MEOX2: variants seen among roughly 807,000 people sequenced by gnomAD.
The protein encoded by MEOX2 is homeobox protein MOX-2.
MEOX2 carries 11 observed loss-of-function variants against 27.0 expected under a neutral mutation model. The observed-to-expected ratio is 0.41, with a 90% CI of 0.26 to 0.68. MEOX2 has a LOEUF of 0.68. Ranked by LOEUF, MEOX2 falls within the 30% of genes least tolerant of loss-of-function variation. The probability of loss-of-function intolerance (pLI) is 0.33; values close to 1 mark genes in which losing one functional copy is unlikely to be tolerated. For synonymous variants in MEOX2, 189 were observed against 155.4 expected (o/e 1.22, Z -1.61); for missense variants, 436 against 385.4 (o/e 1.13, Z -1.10).
intron 2 of MEOX2, among the ~76,000 whole-genome samples, chr7:15,619,508 C>T (rs897723023): frequency 6.6e-6 from 1 of 151,842 alleles, no homozygotes; most frequent in Admixed American, 6.6e-5. Flanking sequence ...TTTATTATAC[C>T]AGCTTGATGA....
At chr7:15,646,445 A>T (rs937970242) in intron 1 of MEOX2, among the ~76,000 whole-genome samples, 1 of 152,032 alleles carries the variant, frequency 6.6e-6, no homozygotes, top group Non-Finnish European at 1.5e-5. Context: ...TTCTCAACTG[A>T]GGGAGATCCT....
At chr7:15,639,586 T>G (rs556527806) in intron 1 of MEOX2, among the ~76,000 whole-genome samples, 50 of 152,130 alleles carry the variant, frequency 3.3e-4, no homozygotes, top group Non-Finnish European at 6.6e-4. Flanking sequence ...CTCTTTTTTT[T>G]ATAGTTTTGG....
intron 1 of MEOX2, 43 bp downstream of exon 1, chr7:15,685,843 C>T (rs1264701266): frequency 6.5e-7 from 1 of 1,541,916 alleles, no homozygotes; most frequent in South Asian, 1.3e-5. Flanking sequence ...CGCCCCTTTT[C>T]CAGCCCGGCG....
chr7:15,637,218 G>T (rs893004583), intron 1 of MEOX2, among the ~76,000 whole-genome samples: 5 of 151,952 alleles, frequency 3.3e-5, no homozygotes, highest in African/African-American at 9.7e-5. Context: ...AGTATATAAT[G>T]ATACGGCATT....
chr7:15,676,270 A>G lies in MEOX2; in HGVS notation c.517+9616T>C, dbSNP rs540428056. 5 of 152,350 alleles carry G rather than the reference A, an allele frequency of 3.3e-5. No homozygotes were observed. In the South Asian group the frequency reaches 1.0e-3, roughly 32 times the overall value. 9.4% of individuals were successfully genotyped at this position (152,350 alleles called of 1,614,324 possible). On this transcript the variant is annotated intron_variant, in intron 1 of 2. Coordinates refer to ENST00000262041, the MANE Select transcript of MEOX2 (RefSeq NM_005924.5). The stretch of plus-strand genomic sequence containing the variant: ...AATATGTTCTTTGTAAAAAGAAATT[A>G]TATCACCAAAATAAAATTCTGTTCA...
At chr7:15,624,919 A>G (rs1190239408) in intron 2 of MEOX2, among the ~76,000 whole-genome samples, 3 of 152,324 alleles carry the variant, frequency 2.0e-5, no homozygotes, top group African/African-American at 7.2e-5. Flanking sequence ...TCAGTTAGAA[A>G]GAAGAAATAT....
chr7:15,617,574 A>T (rs1781142948), intron 2 of MEOX2, among the ~76,000 whole-genome samples: 1 of 152,098 alleles, frequency 6.6e-6, no homozygotes, highest in African/African-American at 2.4e-5. Context: ...TTTATATCTG[A>T]TTAAGAGAAG....
chr7:15,662,060 T>A (rs1049645251), intron 1 of MEOX2, among the ~76,000 whole-genome samples: 4 of 145,896 alleles, frequency 2.7e-5, no homozygotes, highest in African/African-American at 1.0e-4. Context: ...ATGAAAAAGA[T>A]CAGTGTTCCC....
intron 1 of MEOX2, among the ~76,000 whole-genome samples, chr7:15,642,776 G>A (rs1298702308): frequency 6.6e-6 from 1 of 152,252 alleles, no homozygotes; most frequent in Non-Finnish European, 1.5e-5. Context: ...TTTGAGTGGA[G>A]GTTTCCCCCT....
intron 1 of MEOX2, among the ~76,000 whole-genome samples, chr7:15,662,529 C>A (rs1781933741): frequency 1.3e-5 from 2 of 151,816 alleles, no homozygotes; most frequent in Admixed American, 6.6e-5. Flanking sequence ...AGAATAGAGA[C>A]AAAAGGACTG....
At chr7:15,630,817 A>G (rs1232861717) in intron 1 of MEOX2, among the ~76,000 whole-genome samples, 3 of 152,020 alleles carry the variant, frequency 2.0e-5, no homozygotes, top group Admixed American at 1.3e-4. Flanking sequence ...TCACATTTAA[A>G]GGGGAAATTG....
At chr7:15,652,339 T>C (rs1323380687) in intron 1 of MEOX2, among the ~76,000 whole-genome samples, 1 of 152,072 alleles carries the variant, frequency 6.6e-6, no homozygotes, top group Admixed American at 6.6e-5. Context: ...TAATCTATAA[T>C]ATTTTTAACA....
At chr7:15,642,013 T>C (rs1343913322) in intron 1 of MEOX2, among the ~76,000 whole-genome samples, 2 of 152,286 alleles carry the variant, frequency 1.3e-5, no homozygotes, top group South Asian at 2.1e-4. Context: ...TTATAGGTGA[T>C]TTGACTATTT....
At chr7:15,684,776 A>G (rs957037592) in intron 1 of MEOX2, among the ~76,000 whole-genome samples, 1 of 152,256 alleles carries the variant, frequency 6.6e-6, no homozygotes, top group Non-Finnish European at 1.5e-5. Flanking sequence ...GACACCTTCC[A>G]AAAGTATTTA....
intron 1 of MEOX2, among the ~76,000 whole-genome samples, chr7:15,628,308 A>G (rs1271857620): frequency 7.9e-5 from 12 of 152,092 alleles, no homozygotes; most frequent in Admixed American, 7.9e-4. Context: ...TAATGTAAAG[A>G]CTTTTACTTT....
chr7:15,682,951 G>C (rs948037224), intron 1 of MEOX2, among the ~76,000 whole-genome samples: 1 of 151,838 alleles, frequency 6.6e-6, no homozygotes, highest in South Asian at 2.1e-4. Context: ...ATTAAATTTG[G>C]TTATTTTCAA....
chr7:15,619,648 G>C (rs1259253295), intron 2 of MEOX2, among the ~76,000 whole-genome samples: 1 of 151,866 alleles, frequency 6.6e-6, no homozygotes, highest in Non-Finnish European at 1.5e-5. Context: ...ATATGTGTGT[G>C]TGTATATATA....
At position 15,686,363 on chromosome 7, in the gene MEOX2, C is replaced by A. The variant is rs1208731845; in HGVS notation, c.40G>T (p.Ala14Ser). The change falls in exon 1 of 3, where the codon GCC (alanine) becomes TCC (serine). Residue 14 changes from alanine (A) to serine (S), a missense_variant. Ala to Ser is a moderately conservative substitution (Grantham distance 99). Transcript: ENST00000262041. ...AACGGGTGCAAGCCTTGCGCCGTGGCGTGAGGGCTGCGCAGGCAGCCAAAG... is the reference window on the plus strand; with the variant it reads ...AACGGGTGCAAGCCTTGCGCCGTGGAGTGAGGGCTGCGCAGGCAGCCAAAG... ...PLFGCLRSPH[A>S]TAQGLHPFSQ... is the part of the protein sequence containing the mutation. 1.3e-6 allele frequency: 2 copies of A among 1,590,368 alleles called. No individual in the cohort carries two copies. The highest frequency in any genetic ancestry group is 2.3e-5 in the East Asian group (1 of 43,764).
chr7:15,612,913 T>G (rs568159412), intron 2 of MEOX2, among the ~76,000 whole-genome samples: 5 of 152,342 alleles, frequency 3.3e-5, no homozygotes, highest in African/African-American at 1.2e-4. Flanking sequence ...CTTGCGTCTA[T>G]AAAGAGCTTC....
Sources: allele counts gnomAD v4.1 joint callset (sites outside exome capture counted in the v4.1 genomes callset), GRCh38; gene constraint gnomAD v4.1.1; transcripts MANE v1.5; gene names NCBI Gene and HGNC (gene_info 2026-07-23, HGNC 2026-07-21).